MAP3K13: variants seen among roughly 807,000 people sequenced by gnomAD.
MAP3K13 encodes leucine zipper-bearing kinase.
A neutral mutation model predicts 104.0 loss-of-function variants in MAP3K13; 52 were observed. That is an observed-to-expected ratio of 0.50 (90% CI 0.40 to 0.63). MAP3K13 has a LOEUF of 0.63. MAP3K13 is among the 20% of genes least tolerant of loss of function. The probability of loss-of-function intolerance (pLI) is 0.00; values close to 1 mark genes in which losing one functional copy is unlikely to be tolerated. For missense variants in MAP3K13, 914 were observed against 1,218.5 expected, an observed-to-expected ratio of 0.75 and a Z score of 3.72; for synonymous variants, 394 against 442.2, an observed-to-expected ratio of 0.89 and a Z score of 1.37.
At chr3:185,410,512 C>CA (rs894702189) in intron 1 of MAP3K13, among the ~76,000 whole-genome samples, 27 of 152,052 alleles carry the variant, frequency 1.8e-4, no homozygotes, top group Middle Eastern at 3.4e-3. Context: ...GTTCCCAACA[C>CA]AAAAAAAGAT....
intron 1 of MAP3K13, among the ~76,000 whole-genome samples, chr3:185,407,209 C>T (rs960124328): frequency 6.6e-6 from 1 of 152,030 alleles, no homozygotes; most frequent in Non-Finnish European, 1.5e-5. Context: ...TTTTTTGCCA[C>T]CACCAGACCC....
intron 10 of MAP3K13, among the ~76,000 whole-genome samples, chr3:185,472,699 G>A (rs1717875589): frequency 6.6e-6 from 1 of 152,126 alleles, no homozygotes; most frequent in Non-Finnish European, 1.5e-5. Context: ...CAAAGCGATT[G>A]TTCTTAGTGC....
chr3:185,417,874 A>C (rs1413996530), intron 1 of MAP3K13: 224 of 1,605,948 alleles, frequency 1.4e-4, no homozygotes, highest in South Asian at 6.1e-4. Flanking sequence ...TGGTGCTCAA[A>C]GGGCTCTTTG....
At chr3:185,310,637 G>A (rs745868684) in intron 2 of MAP3K13, among the ~76,000 whole-genome samples, 94 of 152,078 alleles carry the variant, frequency 6.2e-4, no homozygotes, top group Non-Finnish European at 1.2e-3. Flanking sequence ...CAACAGACTG[G>A]AAAGAGGTGA....
intron 7 of MAP3K13, among the ~76,000 whole-genome samples, chr3:185,456,525 A>G (rs1716755710): frequency 6.6e-6 from 1 of 152,110 alleles, no homozygotes; most frequent in African/African-American, 2.4e-5. Context: ...TGTGAAATGA[A>G]AGAGAATATA....
At position 185,463,596 on chromosome 3, in the gene MAP3K13, G is replaced by C. The variant is rs1253585116; in HGVS notation, c.1325G>C (p.Ser442Thr). 1.2e-5 allele frequency: 20 copies of C among 1,612,958 alleles called. No homozygotes were observed. The highest frequency in any genetic ancestry group is 1.4e-5 in the Non-Finnish European group (16 of 1,179,256). Residue 442 changes from serine to threonine, a missense_variant, in exon 8 of 14, where the codon AGT (serine) becomes ACT (threonine). Around this residue, in one of 3 missense-constraint regions of MAP3K13, gnomAD observed 583 missense variants for 737.4 expected, o/e 0.79. Transcript: ENST00000265026. ...AAAAAACATTTTGAGAAGATCAAAA[G>C]TGAAGGAACTTGTATACACCGGTTA... is the stretch of plus-strand genomic sequence containing the variant. ...EVKKHFEKIKSEGTCIHRLDE... is the reference protein window; with the variant it reads ...EVKKHFEKIKTEGTCIHRLDE...
In MAP3K13 at chr3:185,395,357, C is replaced by CTTTT. The variant is rs770336517; in HGVS notation, c.-86+32005_-86+32008dup. On this transcript the variant is annotated intron_variant, in intron 1 of 13. Coordinates refer to ENST00000265026, the MANE Select transcript of MAP3K13 (RefSeq NM_004721.5). ...AGGCATTTCTAATTCAATATTATTT[C>CTTTT]TTTTTTTTTTTTTTTTTTTGAGACG... 1.3e-4 allele frequency among the ~76,000 whole-genome samples: 9 copies of CTTTT among 69,946 alleles called. 2 individuals carry two copies. The highest frequency in any genetic ancestry group is 1.1e-3 in the South Asian group (2 of 1,752). The allele number at this position is 69,946 out of a possible 152,430, so 45.9% of individuals were successfully genotyped here.
intron 2 of MAP3K13, among the ~76,000 whole-genome samples, chr3:185,310,535 C>G (rs919244866): frequency 2.6e-5 from 4 of 151,946 alleles, no homozygotes; most frequent in African/African-American, 9.7e-5. Context: ...GGAATTTCAG[C>G]AGAGAAATGT....
At chr3:185,291,213 T>C (rs1362143637) in intron 2 of MAP3K13, among the ~76,000 whole-genome samples, 2 of 152,194 alleles carry the variant, frequency 1.3e-5, no homozygotes, top group African/African-American at 4.8e-5. Context: ...TGCTATCTCT[T>C]CCAACAAGCA....
At chr3:185,294,239 G>A (rs572670859) in intron 2 of MAP3K13, among the ~76,000 whole-genome samples, 7 of 152,260 alleles carry the variant, frequency 4.6e-5, no homozygotes, top group African/African-American at 1.7e-4. Context: ...TTGTTCAACT[G>A]TTACTCCTAA....
intron 8 of MAP3K13, 34 bp from the exon 9 acceptor site, chr3:185,465,713 G>A (rs751588456): frequency 6.7e-7 from 1 of 1,498,588 alleles, no homozygotes; most frequent in South Asian, 1.1e-5. Flanking sequence ...CCCGAAGTTG[G>A]TTGGCTGGGC....
intron 1 of MAP3K13, chr3:185,417,623 C>T: frequency 6.2e-7 from 1 of 1,611,866 alleles, no homozygotes; most frequent in Non-Finnish European, 8.5e-7. Flanking sequence ...ACACCAACAG[C>T]AGCCTTCTTT....
chr3:185,436,369 G>A (rs911905387), intron 2 of MAP3K13, among the ~76,000 whole-genome samples: 3 of 152,140 alleles, frequency 2.0e-5, no homozygotes, highest in African/African-American at 7.2e-5. Context: ...AGCATATCAT[G>A]ACTAATGACT....
intron 2 of MAP3K13, among the ~76,000 whole-genome samples, chr3:185,318,274 A>G (rs934396265): frequency 3.3e-5 from 5 of 152,216 alleles, no homozygotes; most frequent in African/African-American, 7.2e-5. Flanking sequence ...CGTCTGTGGT[A>G]TGTTATCCTT....
intron 4 of MAP3K13, among the ~76,000 whole-genome samples, chr3:185,446,281 G>A (rs1241898286): frequency 3.3e-5 from 5 of 150,584 alleles, no homozygotes; most frequent in Non-Finnish European, 5.9e-5. Context: ...TTTGAGATGG[G>A]GTCTCGCTCT....
At chr3:185,446,526 A>G (rs1197745445) in intron 4 of MAP3K13, among the ~76,000 whole-genome samples, 1 of 152,202 alleles carries the variant, frequency 6.6e-6, no homozygotes, top group African/African-American at 2.4e-5. Flanking sequence ...AATTCGATCT[A>G]ATGTGAAGCT....
Position 185,455,704 on chromosome 3 carries a change from A to ATATATATAT in MAP3K13, c.1278+4309_1278+4310insTATATATAT, listed in dbSNP as rs1560120435. Among the ~76,000 whole-genome samples the ATATATATAT allele has an allele frequency of 5.4e-3, 77 of 14,154 alleles. 14 individuals are homozygous for ATATATATAT. The highest frequency in any genetic ancestry group is 0.011 in the Non-Finnish European group (51 of 4,492). The allele number at this position is 14,154 out of a possible 152,430, so 9.3% of individuals were successfully genotyped here. A position where few individuals can be genotyped will look rare whatever the true frequency, so the allele number is the denominator to read the frequency against. On this transcript the variant is annotated intron_variant, in intron 7 of 13. Coordinates refer to ENST00000265026, the MANE Select transcript of MAP3K13 (RefSeq NM_004721.5). ...GAGATATATATATGATATATATATG[A>ATATATATAT]GATATATATGAGATATATATGATAT...
At chr3:185,451,553 T>C in intron 7 of MAP3K13, 158 bp downstream of exon 7, 1 of 557,930 alleles carries the variant, frequency 1.8e-6, no homozygotes, top group Non-Finnish European at 3.2e-6. Flanking sequence ...ATATGACATC[T>C]TAAGAGCTTT....
intron 1 of MAP3K13, among the ~76,000 whole-genome samples, chr3:185,283,631 C>G (rs957306785): frequency 1.3e-5 from 2 of 152,196 alleles, no homozygotes; most frequent in East Asian, 3.9e-4. Flanking sequence ...GCAGGAGATA[C>G]CCAGTACATT....
Sources: gnomAD v4.1 joint callset for allele counts (sites outside exome capture counted in the v4.1 genomes callset) on GRCh38, gnomAD v4.1.1 for gene constraint, gnomAD v4.1.1 regional missense constraint, MANE v1.5 for transcripts, NCBI Gene and HGNC (gene_info 2026-07-23, HGNC 2026-07-21) for gene names.